TOM1: variants seen among roughly 807,000 people sequenced by gnomAD.
The protein encoded by TOM1 is target of Myb protein 1.
In TOM1, 38 loss-of-function variants were observed where a neutral mutation model predicts 61.3. The observed-to-expected ratio is 0.62, with a 90% CI of 0.48 to 0.81. The LOEUF is 0.81. Among genes scored for constraint, TOM1 ranks in the 40% least tolerant of loss-of-function variants. The probability of loss-of-function intolerance (pLI) is 0.00; values close to 1 mark genes in which losing one functional copy is unlikely to be tolerated. For missense variants in TOM1, 591 were observed against 659.6 expected, an observed-to-expected ratio of 0.90 and a Z score of 1.14; for synonymous variants, 270 against 268.8, an observed-to-expected ratio of 1.00 and a Z score of -0.04.
chr22:35,343,744 C>CACACACACCACATGCATCTACACCTAT (rs1930225971), intron 12 of TOM1, among the ~76,000 whole-genome samples: 1 of 148,976 alleles, frequency 6.7e-6, no homozygotes, highest in Non-Finnish European at 1.5e-5. Context: ...ACCACACCTA[C>CACACACACCACATGCATCTACACCTAT]ACACACACCC....
At position 35,323,389 on chromosome 22, in the gene TOM1, A is replaced by G. The variant is rs1928010594; in HGVS notation, c.367-107A>G. 1 of 1,453,456 alleles carries G rather than the reference A, an allele frequency of 6.9e-7. No individual in the cohort carries two copies. The highest frequency in any genetic ancestry group is 1.4e-5 in the African/African-American group (1 of 70,188). 90.0% of individuals were successfully genotyped at this position (1,453,456 alleles called of 1,614,324 possible). A position where few individuals can be genotyped will look rare whatever the true frequency, so the allele number is the denominator to read the frequency against. The stretch of plus-strand genomic sequence containing the variant: ...AGTGGGCAGGGCAGATGTAGTTAAA[A>G]AAAAAAAAAAAGCAGGGAAAGAATG... On this transcript the variant is annotated intron_variant, in intron 4 of 14. Transcript: ENST00000449058. This position sits in a 1 kb window ranked among gnomAD's most constrained non-coding sequence, Gnocchi z 4.2.
At position 35,324,050 on chromosome 22, in the gene TOM1, C is replaced by G; in HGVS notation, c.648+136C>G. On this transcript the variant is annotated intron_variant, in intron 6 of 14. Transcript: ENST00000449058. The stretch of plus-strand genomic sequence containing the variant: ...AGCAGCCCACAGGGTATGTGTGGTT[C>G]TTCCTGTTTGAGCGATGAGACTCAG... 3.6e-6 allele frequency: 4 copies of G among 1,123,778 alleles called. No homozygotes were observed. In the Admixed American group the frequency reaches 9.4e-5, roughly 26 times the overall value. 69.6% of individuals were successfully genotyped at this position (1,123,778 alleles called of 1,614,324 possible). A position where few individuals can be genotyped will look rare whatever the true frequency, so the allele number is the denominator to read the frequency against.
In TOM1 at chr22:35,323,869, G is replaced by A. The variant is rs576691911; in HGVS notation, c.603G>A (p.Pro201=). 1.8e-5 allele frequency: 29 copies of A among 1,606,124 alleles called. No individual in the cohort carries two copies. Among genetic ancestry groups the A allele is most frequent in the Middle Eastern group, 1.7e-4 (1 of 6,016 alleles). The change falls in exon 6 of 15, where the codon CCG becomes CCA. Residue 201 remains proline (P), a synonymous_variant. Transcript: ENST00000449058. The surrounding 1 kb of genome is among the most constrained non-coding windows in gnomAD (Gnocchi z 4.2). ...AGCATGCTGCCCCTCTGCCCGCCCCGCCCATACTCTCCGGTGACACGCCCA... is the reference window on the plus strand; with the variant it reads ...AGCATGCTGCCCCTCTGCCCGCCCCACCCATACTCTCCGGTGACACGCCCA... ...SGQHAAPLPA[P]PILSGDTPIA...
At chr22:35,315,471 G>A (rs1179280846) in intron 1 of TOM1, among the ~76,000 whole-genome samples, 1 of 152,180 alleles carries the variant, frequency 6.6e-6, no homozygotes, top group East Asian at 1.9e-4. Flanking sequence ...CTTCCCAGGT[G>A]GCTCTATAAG....
intron 1 of TOM1, among the ~76,000 whole-genome samples, chr22:35,307,373 T>TC (rs994577255): frequency 6.6e-6 from 1 of 151,952 alleles, no homozygotes; most frequent in Non-Finnish European, 1.5e-5. Context: ...AGAGGAAAAA[T>TC]TTAATGTCCC....
At chr22:35,300,069 A>G in intron 1 of TOM1, 89 bp downstream of exon 1, 1 of 1,461,304 alleles carries the variant, frequency 6.8e-7, no homozygotes, top group Non-Finnish European at 9.3e-7. Flanking sequence ...CTAGTCACGG[A>G]GGCAGGGAGG....
intron 12 of TOM1, chr22:35,345,264 G>C (rs1347372720): frequency 2.1e-5 from 4 of 192,834 alleles, no homozygotes; most frequent in African/African-American, 9.2e-5. Flanking sequence ...GATGGAACCT[G>C]GGGACCCCTG....
intron 1 of TOM1, among the ~76,000 whole-genome samples, chr22:35,305,685 C>G (rs1926268930): frequency 6.7e-6 from 1 of 149,840 alleles, no homozygotes; most frequent in Admixed American, 6.6e-5. Flanking sequence ...CTGATGGGTG[C>G]TGGGGAGGAC....
At chr22:35,304,080 A>G (rs934574933) in intron 1 of TOM1, among the ~76,000 whole-genome samples, 8 of 152,026 alleles carry the variant, frequency 5.3e-5, no homozygotes, top group African/African-American at 1.9e-4. Flanking sequence ...CGGTTTTGCT[A>G]TTTTTTTCCC....
At chr22:35,299,876 T>C (rs140565759), upstream of TOM1, 11 of 1,553,884 alleles carry the variant, frequency 7.1e-6, no homozygotes, top group African/African-American at 1.1e-4. Flanking sequence ...TCGGTGGCGC[T>C]GGCGGTTGCT....
At chr22:35,314,115 T>G (rs1311261789) in intron 1 of TOM1, among the ~76,000 whole-genome samples, 1 of 152,244 alleles carries the variant, frequency 6.6e-6, no homozygotes, top group Non-Finnish European at 1.5e-5. Context: ...TGTGGGCATC[T>G]GAAGGAAATC....
intron 10 of TOM1, 151 bp downstream of exon 10, chr22:35,333,648 G>A: frequency 1.4e-6 from 1 of 716,536 alleles, no homozygotes; most frequent in Non-Finnish European, 2.4e-6. Flanking sequence ...CTTGCTGCAA[G>A]GTGGGGCACT....
chr22:35,344,590 G>T (rs980520473), intron 12 of TOM1: 1 of 152,240 alleles, frequency 6.6e-6, no homozygotes, highest in Non-Finnish European at 1.5e-5. Context: ...ACTTGCTGTT[G>T]CCACTGCTGC....
intron 2 of TOM1, among the ~76,000 whole-genome samples, chr22:35,320,822 T>C (rs1253010606): frequency 6.6e-6 from 1 of 151,886 alleles, no homozygotes; most frequent in Non-Finnish European, 1.5e-5. Context: ...GGGTGCTTAA[T>C]AAGAGTTGAA....
At chr22:35,322,318 T>A in intron 3 of TOM1, 1 of 421,106 alleles carries the variant, frequency 2.4e-6, no homozygotes, top group Middle Eastern at 6.3e-4. Context: ...TGGGTGACAT[T>A]GAAGCTCAGT....
intron 1 of TOM1, among the ~76,000 whole-genome samples, chr22:35,312,002 C>G (rs1467817643): frequency 6.6e-6 from 1 of 152,140 alleles, no homozygotes; most frequent in Non-Finnish European, 1.5e-5. Context: ...CGCCTGTAAT[C>G]CCAGCACTTT....
chr22:35,320,987 GAAAA>G (rs138783), intron 2 of TOM1, among the ~76,000 whole-genome samples: 2 of 88,914 alleles, frequency 2.2e-5, no homozygotes, highest in Non-Finnish European at 4.8e-5. Flanking sequence ...GTCTCAGAAG[GAAAA>G]AAAAAAAAAA....
At chr22:35,327,418 A>G in intron 7 of TOM1, 31 bp downstream of exon 7, 1 of 1,498,796 alleles carries the variant, frequency 6.7e-7, no homozygotes, top group Non-Finnish European at 9.2e-7. Flanking sequence ...CCTGGGGCTC[A>G]GATGACTCCT....
chr22:35,332,052 T>C (rs1426828836), intron 8 of TOM1, among the ~76,000 whole-genome samples: 1 of 152,180 alleles, frequency 6.6e-6, no homozygotes, highest in African/African-American at 2.4e-5. Context: ...ATAACTGACA[T>C]GAGTTATTCC....
Sources: gnomAD v4.1 joint callset for allele counts (sites outside exome capture counted in the v4.1 genomes callset) on GRCh38, gnomAD v4.1.1 for gene constraint, Gnocchi (gnomAD v3.1) non-coding constraint, MANE v1.5 for transcripts, NCBI Gene and HGNC (gene_info 2026-07-23, HGNC 2026-07-21) for gene names.